Variants in HHIPL1 observed in about 807,000 individuals in gnomAD.
HHIPL1 encodes HHIP like 1, also known as HHIP-like protein 1.
A neutral mutation model predicts 61.8 loss-of-function variants in HHIPL1; 43 were observed. The ratio of observed to expected loss-of-function variants is 0.70; its 90% CI spans 0.55 to 0.90. HHIPL1 has a LOEUF of 0.90. Ranked by LOEUF, HHIPL1 falls within the 40% of genes least tolerant of loss-of-function variation. The probability of loss-of-function intolerance (pLI) is 0.00; values close to 1 mark genes in which losing one functional copy is unlikely to be tolerated. For synonymous variants in HHIPL1, 482 were observed against 515.8 expected, an observed-to-expected ratio of 0.93 and a Z score of 0.89; for missense variants, 1,056 against 1,157.7, an observed-to-expected ratio of 0.91 and a Z score of 1.28.
At chr14:99,628,346 G>A in the HHIPL1 span, among the ~76,000 whole-genome samples, 9 of 152,168 alleles carry the variant, frequency 5.9e-5, no homozygotes, top group African/African-American at 9.6e-5. Flanking sequence ...TTGTGAAGCC[G>A]AGACGGGTGA....
At chr14:99,621,709 CTT>C in the HHIPL1 span, among the ~76,000 whole-genome samples, 455 of 84,474 alleles carry the variant, frequency 5.4e-3, 4 homozygotes, top group African/African-American at 0.02. Context: ...CTTTTCTTTT[CTT>C]TTTTTTTTTT....
chr14:99,614,778 G>A, the HHIPL1 span, among the ~76,000 whole-genome samples: 3 of 152,186 alleles, frequency 2.0e-5, no homozygotes, highest in African/African-American at 4.8e-5. Context: ...ACCTAGTGAC[G>A]CTGGAGGGGA....
chr14:99,639,478 G>T, the HHIPL1 span, among the ~76,000 whole-genome samples: 2 of 152,106 alleles, frequency 1.3e-5, no homozygotes, highest in South Asian at 4.2e-4. Context: ...GAGAGTAGCT[G>T]GGACTATAGG....
the HHIPL1 span, among the ~76,000 whole-genome samples, chr14:99,604,972 G>C: frequency 6.6e-6 from 1 of 152,186 alleles, no homozygotes; most frequent in South Asian, 2.1e-4. Context: ...TCCTAGCCCA[G>C]GGCTGAGCTA....
upstream of HHIPL1, among the ~76,000 whole-genome samples, chr14:99,640,883 T>TTC (rs1245092217): frequency 0.016 from 2,127 of 131,464 alleles, 89 homozygotes; most frequent in African/African-American, 0.061. Flanking sequence ...TCTTCTTTTT[T>TTC]TTTTTTTTTT....
At position 99,678,283 on chromosome 14, in the gene HHIPL1, AG is replaced by A. The variant is rs1213691932; in HGVS notation, c.*2660del. The A allele has an allele frequency of 6.6e-6, 1 of 152,200 alleles. No individual in the cohort carries two copies. Among genetic ancestry groups the A allele is most frequent in the Non-Finnish European group, 1.5e-5 (1 of 68,018 alleles). The allele number at this position is 152,200 out of a possible 1,614,324, so 9.4% of individuals were successfully genotyped here. ...ACCCATCAGTACTGGTCCGTGGCCC[AG>A]GGTTTGGAGACCTCTGCCCTAGGTA... is the stretch of plus-strand genomic sequence containing the variant. On this transcript the variant is annotated 3_prime_UTR_variant, in exon 9 of 9. Coordinates refer to ENST00000330710, the MANE Select transcript of HHIPL1 (RefSeq NM_001127258.3).
At chr14:99,637,587 A>G in the HHIPL1 span, among the ~76,000 whole-genome samples, 1 of 152,078 alleles carries the variant, frequency 6.6e-6, no homozygotes, top group Admixed American at 6.6e-5. Flanking sequence ...AAAAAAAAGA[A>G]AGAAAGAAAA....
Position 99,668,847 on chromosome 14 carries a change from CGCCATGCCCG to C in HHIPL1, c.1730+547_1730+556del. 1 of 1,613,908 alleles carries C rather than the reference CGCCATGCCCG, an allele frequency of 6.2e-7. No homozygotes were observed. Among genetic ancestry groups the C allele is most frequent in the Middle Eastern group, 1.6e-4 (1 of 6,062 alleles). On this transcript the variant is annotated intron_variant, in intron 7 of 8. Coordinates refer to ENST00000330710, the MANE Select transcript of HHIPL1 (RefSeq NM_001127258.3). The surrounding 1 kb of genome is among the most constrained non-coding windows in gnomAD (Gnocchi z 4.7). The stretch of plus-strand genomic sequence containing the variant: ...TCCCTTCTAGCTGTAAGGCCAGAAG[CGCCATGCCCG>C]GCTATGTCCCAGCTCCTTCCGTGTG...
At chr14:99,637,220 G>GAAAT in the HHIPL1 span, among the ~76,000 whole-genome samples, 16 of 129,174 alleles carry the variant, frequency 1.2e-4, no homozygotes, top group Non-Finnish European at 2.1e-4. Context: ...AAGAAAGAAA[G>GAAAT]AAAGAAAGAA....
Position 99,660,322 on chromosome 14 carries a change from A to T in HHIPL1, c.1418A>T (p.Lys473Met). ...PIFAYPHTVGKSVTGGYVYRG... is the reference protein window; with the variant it reads ...PIFAYPHTVGMSVTGGYVYRG... ...TTCGCCTACCCGCACACGGTTGGCA[A>T]GTCGGTCACAGGGGGCTACGTGTAC... The change falls in exon 5 of 9, where the codon AAG becomes ATG. Residue 473 changes from lysine (K) to methionine (M), a missense_variant. Transcript: ENST00000330710. This position sits in a 1 kb window ranked among gnomAD's most constrained non-coding sequence, Gnocchi z 4.9. The T allele has an allele frequency of 1.9e-6, 3 of 1,614,112 alleles. No individual in the cohort carries two copies. The highest frequency in any genetic ancestry group is 2.5e-6 in the Non-Finnish European group (3 of 1,180,008).
At chr14:99,664,696 C>A (rs976522691) in intron 6 of HHIPL1, among the ~76,000 whole-genome samples, 32 of 152,158 alleles carry the variant, frequency 2.1e-4, no homozygotes, top group African/African-American at 7.7e-4. Context: ...GCCCAGTGTG[C>A]TCTAGGGACA....
At chr14:99,610,866 T>C in the HHIPL1 span, among the ~76,000 whole-genome samples, 1 of 152,346 alleles carries the variant, frequency 6.6e-6, no homozygotes. Context: ...TTGGTACATG[T>C]AGCTGTAGTT....
At chr14:99,647,225 C>T (rs1263648047) in intron 1 of HHIPL1, among the ~76,000 whole-genome samples, 3 of 152,184 alleles carry the variant, frequency 2.0e-5, no homozygotes, top group African/African-American at 7.2e-5. Flanking sequence ...AGAGGGTGGG[C>T]TGGCCACCTT....
chr14:99,608,654 G>A, the HHIPL1 span, among the ~76,000 whole-genome samples: 27,178 of 152,174 alleles, frequency 0.18, 3,049 homozygotes, highest in East Asian at 0.3. Context: ...GCAGCAAGAA[G>A]TCAGGGTCCA....
At chr14:99,661,775 T>A (rs979682449) in intron 5 of HHIPL1, among the ~76,000 whole-genome samples, 3 of 152,180 alleles carry the variant, frequency 2.0e-5, no homozygotes, top group Non-Finnish European at 2.9e-5. Context: ...TGGTGTTTCT[T>A]ACTTATTTCC....
At chr14:99,657,487 C>A (rs2056068053) in intron 3 of HHIPL1, among the ~76,000 whole-genome samples, 1 of 152,202 alleles carries the variant, frequency 6.6e-6, no homozygotes, top group Non-Finnish European at 1.5e-5. Flanking sequence ...CTGGCCCTGC[C>A]AGACCCCTGC....
the HHIPL1 span, among the ~76,000 whole-genome samples, chr14:99,637,166 GAA>G: frequency 0.069 from 6,877 of 99,846 alleles, 457 homozygotes; most frequent in South Asian, 0.12. Flanking sequence ...AAGAAAGAAA[GAA>G]AAAGAAAGAA....
intron 2 of HHIPL1, among the ~76,000 whole-genome samples, chr14:99,654,391 G>A (rs573888114): frequency 1.0e-3 from 156 of 152,230 alleles, no homozygotes; most frequent in Non-Finnish European, 1.6e-3. Context: ...AGGTGGAGCC[G>A]AGAGAAGGAG....
the HHIPL1 span, among the ~76,000 whole-genome samples, chr14:99,631,096 CTT>C: frequency 0.017 from 2,434 of 147,362 alleles, 44 homozygotes; most frequent in Middle Eastern, 0.044. Flanking sequence ...TTCTTTCTTT[CTT>C]TCTTTCTTTC....
Sources: gnomAD v4.1 joint callset for allele counts (sites outside exome capture counted in the v4.1 genomes callset) on GRCh38, gnomAD v4.1.1 for gene constraint, Gnocchi (gnomAD v3.1) non-coding constraint, MANE v1.5 for transcripts, NCBI Gene and HGNC (gene_info 2026-07-23, HGNC 2026-07-21) for gene names.